The following TANC2 variants were observed in gnomAD, a reference collection of about 807,000 sequenced individuals.
TANC2 encodes the protein protein TANC2.
In TANC2, 26 loss-of-function variants were observed where a neutral mutation model predicts 210.5. That is an observed-to-expected ratio of 0.12 (90% CI 0.09 to 0.17). The LOEUF (loss-of-function observed/expected upper bound fraction) is 0.17. Ranked by LOEUF, TANC2 falls within the 10% of genes least tolerant of loss-of-function variation. TANC2 has a pLI of 1.00. For missense variants in TANC2, 2,129 were observed against 2,608.9 expected, an observed-to-expected ratio of 0.82 and a Z score of 4.01; for synonymous variants, 931 against 967.1, an observed-to-expected ratio of 0.96 and a Z score of 0.69.
chr17:63,197,346 A>G (rs760555902), intron 6 of TANC2, among the ~76,000 whole-genome samples: 4 of 152,210 alleles, frequency 2.6e-5, no homozygotes, highest in Non-Finnish European at 4.4e-5. Context: ...GCCTTCTTGC[A>G]GTATAATATA....
intron 2 of TANC2, 67 bp downstream of exon 2, chr17:63,009,693 A>G (rs1180672574): frequency 7.4e-7 from 1 of 1,357,680 alleles, no homozygotes; most frequent in Non-Finnish European, 1.1e-6. Flanking sequence ...AGGGTCCTGA[A>G]TTAATGCTGT....
At chr17:63,308,201 A>T (rs1393872431) in intron 9 of TANC2, among the ~76,000 whole-genome samples, 1 of 152,250 alleles carries the variant, frequency 6.6e-6, no homozygotes, top group Non-Finnish European at 1.5e-5. Context: ...ATTTCTTCTT[A>T]TATTTTAATT....
At chr17:63,048,484 G>T (rs780698818) in intron 2 of TANC2, among the ~76,000 whole-genome samples, 2 of 152,158 alleles carry the variant, frequency 1.3e-5, no homozygotes, top group African/African-American at 4.8e-5. Flanking sequence ...TTTGTATATG[G>T]TGTAAGGAAG....
chr17:63,408,956 C>T (rs965998158), intron 21 of TANC2, among the ~76,000 whole-genome samples: 4 of 152,100 alleles, frequency 2.6e-5, no homozygotes, highest in Non-Finnish European at 5.9e-5. Flanking sequence ...CAGTCTGGGT[C>T]TTAAGAACCA....
chr17:63,365,196 C>T (rs1318560809), intron 14 of TANC2, among the ~76,000 whole-genome samples: 1 of 152,192 alleles, frequency 6.6e-6, no homozygotes, highest in African/African-American at 2.4e-5. Context: ...GCAAGTAAAG[C>T]AATTCACTCG....
rs554544936 is a variant in TANC2, at chr17:63,161,992, G to A, written c.433+10612G>A. Among the ~76,000 whole-genome samples, 23 of 152,238 alleles carry A rather than the reference G, an allele frequency of 1.5e-4. No individual in the cohort carries two copies. In the South Asian group the frequency reaches 4.8e-3, roughly 32 times the overall value. ...CTGACAATCTTGACAAGCCACTTTG[G>A]TAGAATCTTGATGGCAGAAATTTGA... On this transcript the variant is annotated intron_variant, in intron 5 of 27. Coordinates refer to ENST00000689528, the Ensembl canonical transcript of TANC2.
At chr17:63,301,273 A>G (rs113091076) in intron 9 of TANC2, among the ~76,000 whole-genome samples, 2 of 152,040 alleles carry the variant, frequency 1.3e-5, no homozygotes, top group Non-Finnish European at 2.9e-5. Context: ...GTTTTGGTAT[A>G]AGGATGATGC....
At chr17:63,085,604 T>C (rs1489728432) in intron 3 of TANC2, among the ~76,000 whole-genome samples, 1 of 152,162 alleles carries the variant, frequency 6.6e-6, no homozygotes, top group Non-Finnish European at 1.5e-5. Context: ...AAAATATCCC[T>C]AATTCCTCCC....
chr17:62,998,838 T>C (rs1598217148), intron 1 of TANC2, among the ~76,000 whole-genome samples: 2 of 152,192 alleles, frequency 1.3e-5, no homozygotes, highest in African/African-American at 4.8e-5. Context: ...GTAAAGCAGC[T>C]ATACAGTCAA....
chr17:63,120,052 T>TAA (rs201238687), intron 4 of TANC2, among the ~76,000 whole-genome samples: 3 of 140,674 alleles, frequency 2.1e-5, no homozygotes, highest in African/African-American at 5.2e-5. Flanking sequence ...CTCTGTCTCA[T>TAA]AAAAAAAAAA....
chr17:63,225,370 C>T lies in TANC2; in HGVS notation c.770-12444C>T, dbSNP rs114689306. ...CTTGCTTTGCCTAATTGTGTTTCAACGGGTGTCATTTTAGGCCTTCCTCTC... is the reference window on the plus strand; with the variant it reads ...CTTGCTTTGCCTAATTGTGTTTCAATGGGTGTCATTTTAGGCCTTCCTCTC... On this transcript the variant is annotated intron_variant, in intron 7 of 27. Transcript: ENST00000689528. Among the ~76,000 whole-genome samples the T allele has an allele frequency of 8.4e-3, 1,286 of 152,216 alleles. 15 individuals carry two copies. Among genetic ancestry groups the T allele is most frequent in the African/African-American group, 0.028 (1,172 of 41,514 alleles).
intron 1 of TANC2, among the ~76,000 whole-genome samples, chr17:62,996,333 A>ACG (rs1444093503): frequency 6.6e-6 from 1 of 152,230 alleles, no homozygotes; most frequent in Non-Finnish European, 1.5e-5. Context: ...ACTTAGGAGT[A>ACG]CGCGCCTGTA....
At chr17:63,411,368 T>C (rs951294095) in intron 21 of TANC2, 143 bp from the exon 22 acceptor site, 1 of 749,236 alleles carries the variant, frequency 1.3e-6, no homozygotes. Context: ...GAGATACAAC[T>C]GGCATACCAG....
chr17:63,174,256 A>G (rs753485161), intron 5 of TANC2, among the ~76,000 whole-genome samples: 1 of 152,238 alleles, frequency 6.6e-6, no homozygotes, highest in Non-Finnish European at 1.5e-5. Context: ...AATTCTTTAC[A>G]GTACTTCTAG....
chr17:63,402,167 C>G (rs1267169215), intron 19 of TANC2, among the ~76,000 whole-genome samples: 1 of 152,024 alleles, frequency 6.6e-6, no homozygotes, highest in Non-Finnish European at 1.5e-5. Flanking sequence ...GTTGTTTTCC[C>G]CTCATTGCCT....
At chr17:63,397,346 T>C (rs1008173583) in intron 18 of TANC2, among the ~76,000 whole-genome samples, 1 of 152,174 alleles carries the variant, frequency 6.6e-6, no homozygotes, top group Admixed American at 6.5e-5. Flanking sequence ...TATAATACTC[T>C]TAATTGAAAG....
At chr17:63,177,960 G>C (rs991961727) in intron 5 of TANC2, among the ~76,000 whole-genome samples, 1 of 152,150 alleles carries the variant, frequency 6.6e-6, no homozygotes, top group African/African-American at 2.4e-5. Context: ...TCTCTATTTT[G>C]CAACTCTTGT....
intron 7 of TANC2, among the ~76,000 whole-genome samples, chr17:63,209,769 A>G (rs1348704436): frequency 6.6e-6 from 1 of 152,168 alleles, no homozygotes; most frequent in Non-Finnish European, 1.5e-5. Flanking sequence ...ATTAAGTATT[A>G]TGTTCCTGTA....
intron 21 of TANC2, 147 bp from the exon 22 acceptor site, chr17:63,411,364 C>T: frequency 1.4e-6 from 1 of 731,664 alleles, no homozygotes; most frequent in Non-Finnish European, 2.2e-6. Flanking sequence ...AGTTGAGATA[C>T]AACTGGCATA....
Sources: allele counts gnomAD v4.1 joint callset (sites outside exome capture counted in the v4.1 genomes callset), GRCh38; gene constraint gnomAD v4.1.1; transcripts MANE v1.5; gene names NCBI Gene and HGNC (gene_info 2026-07-23, HGNC 2026-07-21).